MARCHF1: variants seen among roughly 807,000 people sequenced by gnomAD.
MARCHF1 encodes membrane associated ring-CH-type finger 1.
Under a neutral mutation model 54.2 loss-of-function variants are expected in MARCHF1, and 40 were observed. That is an observed-to-expected ratio of 0.74 (90% CI 0.57 to 0.96). MARCHF1 has a LOEUF of 0.96. MARCHF1 is among the 40% of genes least tolerant of loss of function. The pLI, the probability that MARCHF1 is intolerant of heterozygous loss-of-function variation, is 0.00. For synonymous variants in MARCHF1, 236 were observed against 236.3 expected, an observed-to-expected ratio of 1.00 and a Z score of 0.01; for missense variants, 586 against 656.5, an observed-to-expected ratio of 0.89 and a Z score of 1.17.
intron 1 of MARCHF1, among the ~76,000 whole-genome samples, chr4:164,302,738 C>G (rs1222297077): frequency 2.0e-5 from 3 of 151,452 alleles, no homozygotes; most frequent in Non-Finnish European, 4.4e-5. Flanking sequence ...GCATGGTGGC[C>G]CATGCCTGTA....
intron 8 of MARCHF1, among the ~76,000 whole-genome samples, chr4:163,582,004 G>A (rs904700988): frequency 1.3e-5 from 2 of 152,154 alleles, no homozygotes; most frequent in Non-Finnish European, 2.9e-5. Flanking sequence ...TATATTAGGG[G>A]AGATAGATAG....
At chr4:164,034,793 T>G (rs1213366165) in intron 2 of MARCHF1, among the ~76,000 whole-genome samples, 1 of 152,192 alleles carries the variant, frequency 6.6e-6, no homozygotes, top group African/African-American at 2.4e-5. Context: ...ACCAAGCATT[T>G]TGTATGTAAC....
intron 1 of MARCHF1, among the ~76,000 whole-genome samples, chr4:164,118,771 C>A (rs1405280340): frequency 2.0e-5 from 3 of 150,898 alleles, no homozygotes; most frequent in Non-Finnish European, 3.0e-5. Context: ...GCTTTCAATT[C>A]TGAAATAAGA....
intron 1 of MARCHF1, among the ~76,000 whole-genome samples, chr4:164,188,012 G>A (rs987547052): frequency 1.3e-5 from 2 of 152,090 alleles, no homozygotes; most frequent in Non-Finnish European, 2.9e-5. Flanking sequence ...CAGAAATTCT[G>A]AGTGTTTTCT....
intron 3 of MARCHF1, among the ~76,000 whole-genome samples, chr4:163,972,963 A>C (rs1752579344): frequency 1.3e-5 from 2 of 152,246 alleles, no homozygotes; most frequent in Non-Finnish European, 2.9e-5. Context: ...TTGTAAAGTT[A>C]ATTTAGCACT....
In MARCHF1 at chr4:163,699,966, T is replaced by C. The variant is rs1007226539; in HGVS notation, c.162+847A>G. Among the ~76,000 whole-genome samples the C allele has an allele frequency of 5.3e-5, 8 of 151,826 alleles. No individual in the cohort carries two copies. The South Asian group carries it at 1.5e-3, about 28-fold the overall frequency. ...TATACAGTCTAGGGAATATTTTGTT[T>C]TTTTTTTTTAATCCACTGACTCTAC... On this transcript the variant is annotated intron_variant, in intron 5 of 9. Transcript: ENST00000514618.
intron 4 of MARCHF1, among the ~76,000 whole-genome samples, chr4:163,763,780 T>C (rs1048906317): frequency 6.6e-6 from 1 of 152,096 alleles, no homozygotes; most frequent in Non-Finnish European, 1.5e-5. Flanking sequence ...TATACTGTCA[T>C]GTTGGCAGTA....
At chr4:163,854,779 T>C (rs1271559473) in intron 3 of MARCHF1, among the ~76,000 whole-genome samples, 3 of 152,178 alleles carry the variant, frequency 2.0e-5, no homozygotes, top group African/African-American at 7.2e-5. Context: ...TACTATGTCA[T>C]GAGTAGAAAT....
intron 2 of MARCHF1, among the ~76,000 whole-genome samples, chr4:164,090,448 C>G (rs1036795570): frequency 2.6e-5 from 4 of 151,890 alleles, no homozygotes; most frequent in South Asian, 2.1e-4. Flanking sequence ...CAACACTATT[C>G]AAACAATAAG....
chr4:164,305,784 T>C (rs1406320401), intron 1 of MARCHF1, among the ~76,000 whole-genome samples: 1 of 152,074 alleles, frequency 6.6e-6, no homozygotes, highest in East Asian at 1.9e-4. Context: ...CATAAAGAAA[T>C]GACAAATGTT....
chr4:164,171,984 C>G (rs1314127313), intron 1 of MARCHF1, among the ~76,000 whole-genome samples: 3 of 152,144 alleles, frequency 2.0e-5, no homozygotes. Context: ...GGCTGGCACC[C>G]AGGTCACTAC....
Position 164,147,677 on chromosome 4 carries a change from T to TG in MARCHF1, c.-322-36016dup, listed in dbSNP as rs1729792165. Among the ~76,000 whole-genome samples, 6 of 60,104 alleles carry TG rather than the reference T, an allele frequency of 1.0e-4. No individual in the cohort carries two copies. The South Asian group carries it at 5.7e-3, about 57-fold the overall frequency. 39.4% of individuals were successfully genotyped at this position (60,104 alleles called of 152,430 possible). The stretch of plus-strand genomic sequence containing the variant: ...TCACACTCTGGGGCCTGTTATGGGG[T>TG]GGGGGGAGGGGGGAGGGATAGCATT... On this transcript the variant is annotated intron_variant, in intron 1 of 9. Transcript: ENST00000514618.
intron 1 of MARCHF1, among the ~76,000 whole-genome samples, chr4:164,316,244 T>C (rs1734993635): frequency 6.6e-6 from 1 of 152,148 alleles, no homozygotes; most frequent in Non-Finnish European, 1.5e-5. Flanking sequence ...AAACCTAGCA[T>C]GACATGTCAA....
At chr4:164,144,226 A>G (rs1729601063) in intron 1 of MARCHF1, among the ~76,000 whole-genome samples, 2 of 151,080 alleles carry the variant, frequency 1.3e-5, no homozygotes, top group Non-Finnish European at 2.9e-5. Flanking sequence ...ATAATGGGAG[A>G]CTTTAACACC....
At chr4:163,808,350 G>A (rs2111000368) in intron 4 of MARCHF1, among the ~76,000 whole-genome samples, 1 of 152,270 alleles carries the variant, frequency 6.6e-6, no homozygotes, top group Non-Finnish European at 1.5e-5. Flanking sequence ...GACCTAGTTT[G>A]GTGAAAGTTC....
At chr4:163,967,714 A>C (rs916756885) in intron 3 of MARCHF1, among the ~76,000 whole-genome samples, 3 of 152,148 alleles carry the variant, frequency 2.0e-5, no homozygotes, top group African/African-American at 7.2e-5. Flanking sequence ...ATGTACATAA[A>C]GAGAGGGGGA....
At chr4:164,185,766 T>C in intron 1 of MARCHF1, among the ~76,000 whole-genome samples, 1 of 151,472 alleles carries the variant, frequency 6.6e-6, no homozygotes, top group East Asian at 1.9e-4. Flanking sequence ...TGCTTCTAAA[T>C]TGTAGAAGAT....
intron 8 of MARCHF1, among the ~76,000 whole-genome samples, chr4:163,563,796 C>G (rs1339116806): frequency 6.6e-6 from 1 of 152,184 alleles, no homozygotes; most frequent in African/African-American, 2.4e-5. Flanking sequence ...TGTGTGAATT[C>G]TGGCCGAATA....
intron 1 of MARCHF1, among the ~76,000 whole-genome samples, chr4:164,215,681 G>A (rs1731910567): frequency 6.6e-6 from 1 of 152,062 alleles, no homozygotes; most frequent in African/African-American, 2.4e-5. Context: ...ATTAAGTAAG[G>A]TTGAGAAAGA....
Sources: gnomAD v4.1 joint callset for allele counts (sites outside exome capture counted in the v4.1 genomes callset) on GRCh38, gnomAD v4.1.1 for gene constraint, MANE v1.5 for transcripts, NCBI Gene and HGNC (gene_info 2026-07-23, HGNC 2026-07-21) for gene names.